The following SKP1 variants were observed in gnomAD, a reference collection of about 807,000 sequenced individuals.
SKP1 encodes the protein S-phase kinase associated protein 1, also known as S-phase kinase-associated protein 1.
A neutral mutation model predicts 21.5 loss-of-function variants in SKP1; 1 was observed. That is an observed-to-expected ratio of 0.05 (90% CI 0.02 to 0.22). SKP1 has a LOEUF of 0.22. Among genes scored for constraint, SKP1 ranks in the 10% least tolerant of loss-of-function variants. SKP1 has a pLI of 1.00. For missense variants in SKP1, 70 were observed against 192.0 expected (o/e 0.36, Z 3.76); for synonymous variants, 59 against 59.3 (o/e 0.99, Z 0.03).
At position 134,151,649 on chromosome 5, in the gene SKP1, C is replaced by T; in HGVS notation, c.*6084G>A. 2.2e-6 allele frequency: 1 copy of T among 456,012 alleles called. No homozygotes were observed. Among genetic ancestry groups the T allele is most frequent in the East Asian group, 6.9e-5 (1 of 14,394 alleles). The allele number at this position is 456,012 out of a possible 1,614,324, so 28.2% of individuals were successfully genotyped here. A position where few individuals can be genotyped will look rare whatever the true frequency, so the allele number is the denominator to read the frequency against. ...CAGAAGGTCTGAATATACTTAAATA[C>T]TTCCAGAAAATTTAAAGTTGACAGA... On this transcript the variant is annotated 3_prime_UTR_variant, in exon 6 of 6. Coordinates refer to ENST00000353411, the MANE Select transcript of SKP1 (RefSeq NM_170679.3).
At chr5:134,167,502 C>T (rs184651242) in intron 2 of SKP1, among the ~76,000 whole-genome samples, 47 of 151,866 alleles carry the variant, frequency 3.1e-4, no homozygotes, top group African/African-American at 9.9e-4. Flanking sequence ...ACATTGTATC[C>T]GGCATTGTAA....
rs1453945842 is a variant in SKP1, at chr5:134,150,547, T to C, written c.*7186A>G. 6.6e-6 allele frequency: 1 copy of C among 152,224 alleles called. No homozygotes were observed. Among genetic ancestry groups the C allele is most frequent in the African/African-American group, 2.4e-5 (1 of 41,446 alleles). 9.4% of individuals were successfully genotyped at this position (152,224 alleles called of 1,614,324 possible). On this transcript the variant is annotated 3_prime_UTR_variant, in exon 6 of 6. Transcript: ENST00000353411. ...GTAGAATTTAAGACCCAAATCTAGT[T>C]AATTGTATAAAAAGGCTAAGTTGGC... is the stretch of plus-strand genomic sequence containing the variant.
chr5:134,171,997 T>C (rs987119145), intron 2 of SKP1, among the ~76,000 whole-genome samples: 2 of 152,160 alleles, frequency 1.3e-5, no homozygotes, highest in Non-Finnish European at 2.9e-5. Flanking sequence ...TGAGCTGAGA[T>C]TGTACCACTG....
chr5:134,175,188 G>C (rs569692427), intron 1 of SKP1: 1 of 152,288 alleles, frequency 6.6e-6, no homozygotes, highest in East Asian at 1.9e-4. Flanking sequence ...CAGCTTCTCT[G>C]AGACAATTGT....
At chr5:134,157,806 G>C in intron 5 of SKP1, 38 bp from the exon 6 acceptor site, 1 of 1,611,790 alleles carries the variant, frequency 6.2e-7, no homozygotes, top group South Asian at 1.1e-5. Context: ...CTTAACTTGA[G>C]TAGTCTTTCC....
At position 134,151,460 on chromosome 5, in the gene SKP1, G is replaced by C; in HGVS notation, c.*6273C>G. On this transcript the variant is annotated 3_prime_UTR_variant, in exon 6 of 6. Transcript: ENST00000353411. ...GCAAAGCAACTGAAGAAGGCAGTTA[G>C]AGGTTGTGAAATGGTACATTCAGGA... The C allele has an allele frequency of 3.4e-6, 1 of 293,616 alleles. No homozygotes were observed. Among genetic ancestry groups the C allele is most frequent in the Non-Finnish European group, 7.0e-6 (1 of 143,746 alleles). 18.2% of individuals were successfully genotyped at this position (293,616 alleles called of 1,614,324 possible). A position where few individuals can be genotyped will look rare whatever the true frequency, so the allele number is the denominator to read the frequency against.
chr5:134,169,653 T>C (rs1761401456), intron 2 of SKP1, among the ~76,000 whole-genome samples: 1 of 151,446 alleles, frequency 6.6e-6, no homozygotes, highest in African/African-American at 2.4e-5. Flanking sequence ...TCACCTGAGG[T>C]CAGGAGTTCA....
In SKP1 at chr5:134,158,478, A is replaced by C; in HGVS notation, c.433T>G (p.Phe145Val). The change falls in exon 5 of 6, where the codon TTT becomes GTT. Residue 145 changes from phenylalanine to valine, a missense_variant. Phe to Val is a conservative substitution (Grantham distance 50). Around this residue, in one of 4 missense-constraint regions of SKP1, gnomAD observed 14 missense variants for 82.1 expected, o/e 0.17. Transcript: ENST00000353411. ...IRKTFNIKND[F>V]TEEEEAQVRK... is the part of the protein sequence containing the mutation. ...ACCTGGGCTTCCTCCTCTTCAGTAA[A>C]GTCATTTTTGATATTGAAGGTCTTG... 1 of 1,614,042 alleles carries C rather than the reference A, an allele frequency of 6.2e-7. No individual in the cohort carries two copies. Among genetic ancestry groups the C allele is most frequent in the Non-Finnish European group, 8.5e-7 (1 of 1,179,990 alleles).
chr5:134,158,001 A>C, intron 5 of SKP1: 1 of 1,502,596 alleles, frequency 6.7e-7, no homozygotes, highest in Non-Finnish European at 8.9e-7. Flanking sequence ...GCAATTTACT[A>C]AAGTTGACAG....
Position 134,158,065 on chromosome 5 carries a change from A to C in SKP1, c.457-297T>G, listed in dbSNP as rs1761151145. 2.1e-6 allele frequency: 3 copies of C among 1,450,114 alleles called. No individual in the cohort carries two copies. In the South Asian group the frequency reaches 3.7e-5, roughly 18 times the overall value. 89.8% of individuals were successfully genotyped at this position (1,450,114 alleles called of 1,614,324 possible). A position where few individuals can be genotyped will look rare whatever the true frequency, so the allele number is the denominator to read the frequency against. Reference sequence around the variant, plus strand: ...TTTCAGTCTGTAGTCATGTCAACAAAATCATTCTGATCTATTCTTTCATTT... The same window carrying C: ...TTTCAGTCTGTAGTCATGTCAACAACATCATTCTGATCTATTCTTTCATTT... On this transcript the variant is annotated intron_variant, in intron 5 of 5. Coordinates refer to ENST00000353411, the MANE Select transcript of SKP1 (RefSeq NM_170679.3).
chr5:134,168,335 G>A (rs1761372402), intron 2 of SKP1, among the ~76,000 whole-genome samples: 1 of 152,094 alleles, frequency 6.6e-6, no homozygotes, highest in Non-Finnish European at 1.5e-5. Flanking sequence ...ACCTAGAGAT[G>A]TGTATACATA....
In SKP1 at chr5:134,176,927, A is replaced by C. The variant is rs1448874201; in HGVS notation, c.-73T>G. On this transcript the variant is annotated 5_prime_UTR_variant, in exon 1 of 6. Transcript: ENST00000353411. ...GGAGGCGTTAGCGAAGGAAGAGAAA[A>C]ACCGAAGACGAAGCCACTACAGCGT... The C allele has an allele frequency of 6.6e-6, 1 of 152,602 alleles. No homozygotes were observed. Among genetic ancestry groups the C allele is most frequent in the East Asian group, 1.9e-4 (1 of 5,196 alleles). 9.5% of individuals were successfully genotyped at this position (152,602 alleles called of 1,614,324 possible). A position where few individuals can be genotyped will look rare whatever the true frequency, so the allele number is the denominator to read the frequency against.
intron 3 of SKP1, among the ~76,000 whole-genome samples, chr5:134,164,482 A>C (rs1761290563): frequency 6.6e-6 from 1 of 152,010 alleles, no homozygotes; most frequent in Non-Finnish European, 1.5e-5. Context: ...ATGTATTTCT[A>C]ATGTTGCATA....
intron 3 of SKP1, among the ~76,000 whole-genome samples, chr5:134,165,989 TG>T (rs1429241775): frequency 6.6e-6 from 1 of 151,622 alleles, no homozygotes; most frequent in Non-Finnish European, 1.5e-5. Context: ...GGTCAGGAGT[TG>T]GAGACCAGCC....
chr5:134,171,903 G>A (rs752362382), intron 2 of SKP1, among the ~76,000 whole-genome samples: 4 of 152,160 alleles, frequency 2.6e-5, no homozygotes, highest in African/African-American at 7.2e-5. Flanking sequence ...AATTTGCCTC[G>A]CATGGTGGCA....
chr5:134,164,786 A>G (rs1761296544), intron 3 of SKP1, among the ~76,000 whole-genome samples: 1 of 152,232 alleles, frequency 6.6e-6, no homozygotes, highest in Non-Finnish European at 1.5e-5. Context: ...TCTTATAAAA[A>G]GCCTATTAGA....
chr5:134,166,968 G>GC (rs1384168342), intron 3 of SKP1, among the ~76,000 whole-genome samples: 5 of 152,154 alleles, frequency 3.3e-5, no homozygotes, highest in African/African-American at 9.7e-5. Context: ...GTCAACTGTG[G>GC]CAAGAAAGCA....
In SKP1 at chr5:134,149,674, G is replaced by A. The variant is rs939237007; in HGVS notation, c.*8059C>T. 6.6e-6 allele frequency: 1 copy of A among 152,200 alleles called. No individual in the cohort carries two copies. Among genetic ancestry groups the A allele is most frequent in the Non-Finnish European group, 1.5e-5 (1 of 68,044 alleles). 9.4% of individuals were successfully genotyped at this position (152,200 alleles called of 1,614,324 possible). A position where few individuals can be genotyped will look rare whatever the true frequency, so the allele number is the denominator to read the frequency against. On this transcript the variant is annotated 3_prime_UTR_variant, in exon 6 of 6. Coordinates refer to ENST00000353411, the MANE Select transcript of SKP1 (RefSeq NM_170679.3). ...CATCTGTCCCATTTTAAAGAATTCT[G>A]TTCTGGCTACTGGCCTAGTTGTTTA...
rs1761143435 is a variant in SKP1 at position 134,157,673 on chromosome 5, G to C, written c.*60C>G. The C allele has an allele frequency of 7.7e-7, 1 of 1,292,086 alleles. No homozygotes were observed. The allele number at this position is 1,292,086 out of a possible 1,614,324, so 80.0% of individuals were successfully genotyped here. A position where few individuals can be genotyped will look rare whatever the true frequency, so the allele number is the denominator to read the frequency against. The stretch of plus-strand genomic sequence containing the variant: ...TGTCTAATATTAACAATTATAAACA[G>C]AGCAGTGCAACTAGTATTTGGAACA... On this transcript the variant is annotated 3_prime_UTR_variant, in exon 6 of 6. Transcript: ENST00000353411.
Sources: gnomAD v4.1 joint callset for allele counts (sites outside exome capture counted in the v4.1 genomes callset) on GRCh38, gnomAD v4.1.1 for gene constraint, gnomAD v4.1.1 regional missense constraint, MANE v1.5 for transcripts, NCBI Gene and HGNC (gene_info 2026-07-23, HGNC 2026-07-21) for gene names.